The following SBF2 variants were observed in gnomAD, a reference collection of about 807,000 sequenced individuals.
The protein encoded by SBF2 is SET binding factor 2.
Under a neutral mutation model 225.2 loss-of-function variants are expected in SBF2, and 112 were observed. The observed-to-expected ratio is 0.50, with a 90% CI of 0.43 to 0.58. SBF2 has a LOEUF of 0.58. Among genes scored for constraint, SBF2 ranks in the 20% least tolerant of loss-of-function variants. The pLI is 0.00. For missense variants in SBF2, 1,996 were observed against 2,206.2 expected (o/e 0.90, Z 1.91); for synonymous variants, 763 against 773.3 (o/e 0.99, Z 0.22).
Position 9,873,516 on chromosome 11 carries a change from G to C in SBF2, c.1930-15120C>G, listed in dbSNP as rs148339680. ...GGCTCAAGGGATAGTGGGGGCAGCA[G>C]CATAGTTGCACAAGGTCATGGTACA... is the stretch of plus-strand genomic sequence containing the variant. On this transcript the variant is annotated intron_variant, in intron 17 of 39. Coordinates refer to ENST00000256190, the MANE Select transcript of SBF2 (RefSeq NM_030962.4). Among the ~76,000 whole-genome samples the C allele has an allele frequency of 4.6e-5, 7 of 152,276 alleles. No individual in the cohort carries two copies. In the East Asian group the frequency reaches 1.2e-3, roughly 25 times the overall value.
chr11:9,978,814 G>A (rs572608100), intron 13 of SBF2, among the ~76,000 whole-genome samples: 4 of 152,054 alleles, frequency 2.6e-5, no homozygotes, highest in East Asian at 3.9e-4. Flanking sequence ...TGGGCAACAC[G>A]GTGAAACTCC....
At position 9,839,247 on chromosome 11, in the gene SBF2, G is replaced by A. The variant is rs182873189; in HGVS notation, c.3455+251C>T. 2.1e-3 allele frequency: 1,058 copies of A among 494,220 alleles called. 10 individuals are homozygous for A. The highest frequency in any genetic ancestry group is 0.013 in the Middle Eastern group (23 of 1,732). 30.6% of individuals were successfully genotyped at this position (494,220 alleles called of 1,614,324 possible). The stretch of plus-strand genomic sequence containing the variant: ...TCATGCTAGAAAAGAAGCAAACTGG[G>A]AAGAGAAAGACAAGAGAAATTCATA... On this transcript the variant is annotated intron_variant, in intron 26 of 39. Transcript: ENST00000256190.
chr11:10,146,209 C>T (rs1342367143), intron 2 of SBF2, among the ~76,000 whole-genome samples: 1 of 151,892 alleles, frequency 6.6e-6, no homozygotes, highest in Non-Finnish European at 1.5e-5. Context: ...TCTTCAAAAA[C>T]TAGAAAAAAC....
chr11:10,079,043 C>A (rs1280762311), intron 2 of SBF2, among the ~76,000 whole-genome samples: 1 of 151,750 alleles, frequency 6.6e-6, no homozygotes, highest in Non-Finnish European at 1.5e-5. Context: ...CAGATGCATC[C>A]TGAAGAAGAA....
intron 16 of SBF2, among the ~76,000 whole-genome samples, chr11:9,915,307 C>T (rs150585002): frequency 0.014 from 2,195 of 151,924 alleles, 60 homozygotes; most frequent in African/African-American, 0.049. Flanking sequence ...ATTAGCTGGG[C>T]GTGGTGGCAC....
intron 16 of SBF2, among the ~76,000 whole-genome samples, chr11:9,906,868 GC>G (rs779933170): frequency 1.6e-4 from 25 of 152,268 alleles, no homozygotes; most frequent in Admixed American, 5.9e-4. Flanking sequence ...TGAAGAGTGA[GC>G]CCTGCAATCT....
chr11:10,121,465 G>GT (rs1953444904), intron 2 of SBF2, among the ~76,000 whole-genome samples: 1 of 152,140 alleles, frequency 6.6e-6, no homozygotes, highest in Admixed American at 6.5e-5. Flanking sequence ...ACTGTTAAAG[G>GT]AAAGATATAT....
intron 7 of SBF2, among the ~76,000 whole-genome samples, chr11:10,001,726 C>T (rs566847592): frequency 2.8e-4 from 42 of 152,090 alleles, no homozygotes; most frequent in African/African-American, 9.4e-4. Flanking sequence ...CGGGGTTTCA[C>T]CGTGTTAGCC....
At chr11:9,976,037 A>T (rs991506777) in intron 13 of SBF2, among the ~76,000 whole-genome samples, 1 of 150,244 alleles carries the variant, frequency 6.7e-6, no homozygotes, top group African/African-American at 2.4e-5. Flanking sequence ...ATAAGGCACA[A>T]TTATAAATCT....
At chr11:10,203,644 C>G (rs1957644804) in intron 1 of SBF2, among the ~76,000 whole-genome samples, 1 of 151,048 alleles carries the variant, frequency 6.6e-6, no homozygotes, top group South Asian at 2.1e-4. Flanking sequence ...AATCAATCAA[C>G]TGAAATAGAC....
chr11:9,895,604 A>G (rs1861185687), intron 17 of SBF2, among the ~76,000 whole-genome samples: 1 of 150,768 alleles, frequency 6.6e-6, no homozygotes, highest in Non-Finnish European at 1.5e-5. Flanking sequence ...AGTAAAGAGG[A>G]CAGACAATAT....
At chr11:10,207,880 T>A (rs1957798896) in intron 1 of SBF2, among the ~76,000 whole-genome samples, 1 of 152,094 alleles carries the variant, frequency 6.6e-6, no homozygotes, top group African/African-American at 2.4e-5. Flanking sequence ...TTATCAAAGG[T>A]AAATATGATA....
intron 2 of SBF2, among the ~76,000 whole-genome samples, chr11:10,077,207 C>T (rs1044258224): frequency 2.0e-5 from 3 of 152,120 alleles, no homozygotes; most frequent in Admixed American, 1.3e-4. Context: ...GAACCAATAT[C>T]GTGAAAATGG....
intron 16 of SBF2, among the ~76,000 whole-genome samples, chr11:9,930,766 C>T (rs1227006164): frequency 6.6e-6 from 1 of 152,208 alleles, no homozygotes; most frequent in Admixed American, 6.5e-5. Context: ...GGGTGCAGCC[C>T]ACGGAGGGTG....
intron 23 of SBF2, among the ~76,000 whole-genome samples, chr11:9,846,138 C>T (rs1300120665): frequency 6.6e-6 from 1 of 152,186 alleles, no homozygotes; most frequent in Non-Finnish European, 1.5e-5. Flanking sequence ...GAATCCTAAT[C>T]AGTACAGCTA....
At chr11:9,919,208 C>T (rs1210614362) in intron 16 of SBF2, among the ~76,000 whole-genome samples, 2 of 151,848 alleles carry the variant, frequency 1.3e-5, no homozygotes, top group Admixed American at 1.3e-4. Context: ...TTTTCCCTCA[C>T]ATTCTCTAGC....
intron 16 of SBF2, among the ~76,000 whole-genome samples, chr11:9,897,092 T>C (rs975978501): frequency 6.6e-6 from 1 of 152,086 alleles, no homozygotes; most frequent in Admixed American, 6.6e-5. Flanking sequence ...TTATTCACAA[T>C]AGGCAAAAGG....
intron 17 of SBF2, among the ~76,000 whole-genome samples, chr11:9,875,538 C>T (rs905900056): frequency 2.6e-5 from 4 of 152,240 alleles, no homozygotes; most frequent in African/African-American, 9.6e-5. Context: ...TGAAAGAAGG[C>T]TTTGGGATTA....
At chr11:9,789,839 C>T (rs1852627774) in intron 34 of SBF2, among the ~76,000 whole-genome samples, 1 of 152,224 alleles carries the variant, frequency 6.6e-6, no homozygotes, top group African/African-American at 2.4e-5. Context: ...GGAGAAGTAG[C>T]CTGGTGAGCA....
Sources: gnomAD v4.1 joint callset for allele counts (sites outside exome capture counted in the v4.1 genomes callset) on GRCh38, gnomAD v4.1.1 for gene constraint, MANE v1.5 for transcripts, NCBI Gene and HGNC (gene_info 2026-07-23, HGNC 2026-07-21) for gene names.